The following RIMS2 variants were observed in gnomAD, a reference collection of about 807,000 sequenced individuals.
RIMS2 encodes regulating synaptic membrane exocytosis protein 2.
Under a neutral mutation model 174.4 loss-of-function variants are expected in RIMS2, and 59 were observed. The ratio of observed to expected loss-of-function variants is 0.34; its 90% confidence interval spans 0.27 to 0.42. The LOEUF is 0.42. Ranked by LOEUF, RIMS2 falls within the 10% of genes least tolerant of loss-of-function variation. RIMS2 has a pLI of 1.00. For missense variants in RIMS2, 1,620 were observed against 1,666.3 expected, an observed-to-expected ratio of 0.97 and a Z score of 0.48; for synonymous variants, 606 against 572.5, an observed-to-expected ratio of 1.06 and a Z score of -0.84.
chr8:103,838,861 T>C (rs2098921373), intron 3 of RIMS2, among the ~76,000 whole-genome samples: 1 of 152,122 alleles, frequency 6.6e-6, no homozygotes, highest in African/African-American at 2.4e-5. Flanking sequence ...GTCAGGAGAT[T>C]GAGACCATCC....
chr8:104,075,315 A>G (rs2097268601), intron 19 of RIMS2, among the ~76,000 whole-genome samples: 1 of 152,218 alleles, frequency 6.6e-6, no homozygotes, highest in Non-Finnish European at 1.5e-5. Flanking sequence ...CAGGGAGTAC[A>G]ATAAGATGTT....
rs1368361316 is a variant in RIMS2, at chr8:103,608,839, C to T, written c.177-88247C>T. ...CTTCCCAAGTGAGGCAATGCCTCGCCCTGCTTTGGCTCGCGCACGGTGCAC... is the reference window on the plus strand; with the variant it reads ...CTTCCCAAGTGAGGCAATGCCTCGCTCTGCTTTGGCTCGCGCACGGTGCAC... On this transcript the variant is annotated intron_variant, in intron 1 of 23. Transcript: ENST00000504942. Among the ~76,000 whole-genome samples, 4 of 152,218 alleles carry T rather than the reference C, an allele frequency of 2.6e-5. No homozygotes were observed. The East Asian group carries it at 7.7e-4, about 29-fold the overall frequency.
At chr8:104,199,008 A>G (rs2099039886) in intron 19 of RIMS2, among the ~76,000 whole-genome samples, 1 of 152,172 alleles carries the variant, frequency 6.6e-6, no homozygotes, top group Admixed American at 6.5e-5. Flanking sequence ...ATGAAGAAGC[A>G]ACTAAATTAT....
chr8:103,715,516 T>C (rs973184062), intron 2 of RIMS2, among the ~76,000 whole-genome samples: 2 of 152,200 alleles, frequency 1.3e-5, no homozygotes, highest in Non-Finnish European at 2.9e-5. Flanking sequence ...TCAAAACACA[T>C]GATTTTGGTT....
chr8:103,761,631 A>G (rs1055490091), intron 2 of RIMS2, among the ~76,000 whole-genome samples: 1 of 152,246 alleles, frequency 6.6e-6, no homozygotes, highest in Non-Finnish European at 1.5e-5. Context: ...TTGTATGGTC[A>G]TAGCTGCCCA....
chr8:104,042,690 G>C (rs1309592123), intron 19 of RIMS2, among the ~76,000 whole-genome samples: 1 of 151,588 alleles, frequency 6.6e-6, no homozygotes, highest in Non-Finnish European at 1.5e-5. Flanking sequence ...ACAAGTTTCA[G>C]GGGAAAGATA....
intron 19 of RIMS2, among the ~76,000 whole-genome samples, chr8:104,128,731 G>T (rs564779971): frequency 1.3e-5 from 2 of 151,972 alleles, no homozygotes; most frequent in African/African-American, 4.8e-5. Context: ...TATCTCTTAC[G>T]TAACAAAATA....
At chr8:104,203,230 T>C (rs1278087747) in intron 19 of RIMS2, among the ~76,000 whole-genome samples, 1 of 152,146 alleles carries the variant, frequency 6.6e-6, no homozygotes, top group Non-Finnish European at 1.5e-5. Flanking sequence ...TAATATATTT[T>C]TATACCAAAA....
At chr8:103,770,949 C>T (rs2098246353) in intron 3 of RIMS2, among the ~76,000 whole-genome samples, 1 of 152,136 alleles carries the variant, frequency 6.6e-6, no homozygotes, top group South Asian at 2.1e-4. Flanking sequence ...AGCTTCAGTT[C>T]AACTTAATTT....
At chr8:103,911,972 G>A in intron 5 of RIMS2, 81 bp from the exon 9 acceptor site, 1 of 1,103,934 alleles carries the variant, frequency 9.1e-7, no homozygotes, top group Middle Eastern at 2.7e-4. Context: ...TACAATCAGA[G>A]ATCATTTGTC....
At chr8:103,524,696 A>G (rs1833163628) in intron 1 of RIMS2, among the ~76,000 whole-genome samples, 1 of 152,204 alleles carries the variant, frequency 6.6e-6, no homozygotes, top group African/African-American at 2.4e-5. Flanking sequence ...CTATTGATCC[A>G]GAAAACCTAT....
chr8:103,870,916 A>G (rs928586482), intron 3 of RIMS2, among the ~76,000 whole-genome samples: 3 of 152,304 alleles, frequency 2.0e-5, no homozygotes, highest in South Asian at 2.1e-4. Context: ...CCTTTTGTCT[A>G]CAGGATAAAA....
At chr8:103,795,759 C>G (rs918889463) in intron 3 of RIMS2, among the ~76,000 whole-genome samples, 1 of 152,080 alleles carries the variant, frequency 6.6e-6, no homozygotes, top group Non-Finnish European at 1.5e-5. Flanking sequence ...AGAAAACAAG[C>G]CTTCACATGT....
chr8:103,783,736 A>G (rs1180108212), intron 3 of RIMS2, among the ~76,000 whole-genome samples: 2 of 151,598 alleles, frequency 1.3e-5, no homozygotes, highest in East Asian at 3.9e-4. Context: ...ATATGTGTGC[A>G]TGTGTCTTTA....
Position 103,598,648 on chromosome 8 carries a change from C to T in RIMS2, c.176+97586C>T, listed in dbSNP as rs75124050. Among the ~76,000 whole-genome samples, 266 of 152,224 alleles carry T rather than the reference C, an allele frequency of 1.7e-3. 2 individuals carry two copies. Among genetic ancestry groups the T allele is most frequent in the African/African-American group, 5.9e-3 (244 of 41,554 alleles). Reference sequence around the variant, plus strand: ...TGGCGAAGGACATTATTATTTGTTACTTGCCCAATTGGGGAGTGTTCTTTG... The same window carrying T: ...TGGCGAAGGACATTATTATTTGTTATTTGCCCAATTGGGGAGTGTTCTTTG... On this transcript the variant is annotated intron_variant, in intron 1 of 23. Coordinates refer to ENST00000504942, the Ensembl canonical transcript of RIMS2.
intron 1 of RIMS2, among the ~76,000 whole-genome samples, chr8:103,583,060 C>T (rs561828419): frequency 1.3e-5 from 2 of 152,316 alleles, no homozygotes; most frequent in South Asian, 4.1e-4. Flanking sequence ...TTGTGTCACT[C>T]CACCCTCAGC....
intron 3 of RIMS2, among the ~76,000 whole-genome samples, chr8:103,798,522 G>C (rs2098573806): frequency 6.6e-6 from 1 of 152,082 alleles, no homozygotes; most frequent in Non-Finnish European, 1.5e-5. Flanking sequence ...ATACAGTGAG[G>C]TTTGTTAATC....
intron 3 of RIMS2, among the ~76,000 whole-genome samples, chr8:103,872,369 T>G (rs1471606151): frequency 6.6e-6 from 1 of 152,240 alleles, no homozygotes; most frequent in Non-Finnish European, 1.5e-5. Context: ...TTATAACAAG[T>G]TTGTTGTTAA....
rs1375131456 is a variant in RIMS2, at chr8:104,169,329, TATATATATATAA to T, written c.3335-75585_3335-75574del. 6.3e-4 allele frequency among the ~76,000 whole-genome samples: 25 copies of T among 39,528 alleles called. No homozygotes were observed. In the East Asian group the frequency reaches 0.014, roughly 22 times the overall value. 25.9% of individuals were successfully genotyped at this position (39,528 alleles called of 152,430 possible). A position where few individuals can be genotyped will look rare whatever the true frequency, so the allele number is the denominator to read the frequency against. On this transcript the variant is annotated intron_variant, in intron 19 of 23. Coordinates refer to ENST00000504942, the Ensembl canonical transcript of RIMS2. ...CTATATATATATATATATATATATATATATATATATAAAACAGATTCAATCTCATTACTTGTT... is the reference window on the plus strand; with the variant it reads ...CTATATATATATATATATATATATATAACAGATTCAATCTCATTACTTGTT...
Sources: gnomAD v4.1 joint callset for allele counts (sites outside exome capture counted in the v4.1 genomes callset) on GRCh38, gnomAD v4.1.1 for gene constraint, MANE v1.5 for transcripts, NCBI Gene and HGNC (gene_info 2026-07-23, HGNC 2026-07-21) for gene names.